Variants in GATA5 observed in about 807,000 individuals in gnomAD.
GATA5 encodes the protein GATA binding protein 5.
Under a neutral mutation model 35.0 loss-of-function variants are expected in GATA5, and 27 were observed. That is an observed-to-expected ratio of 0.77 (90% CI 0.57 to 1.06). The LOEUF (loss-of-function observed/expected upper bound fraction) is 1.06. GATA5 is among the 50% of genes least tolerant of loss of function. GATA5 has a pLI of 0.00. For synonymous variants in GATA5, 306 were observed against 267.8 expected, an observed-to-expected ratio of 1.14 and a Z score of -1.39; for missense variants, 612 against 580.0, an observed-to-expected ratio of 1.06 and a Z score of -0.57.
intron 2 of GATA5, among the ~76,000 whole-genome samples, chr20:62,474,012 G>T (rs1447565368): frequency 1.3e-5 from 2 of 149,788 alleles, no homozygotes; most frequent in African/African-American, 5.0e-5. Context: ...ACTCTTGGGC[G>T]CCCCTGGGCT....
chr20:62,469,437 G>A (rs1047715193), intron 3 of GATA5, among the ~76,000 whole-genome samples: 27 of 152,316 alleles, frequency 1.8e-4, no homozygotes, highest in Middle Eastern at 6.8e-3. Context: ...CTCGGGTCTG[G>A]GACCGGCCAT....
intron 2 of GATA5, 122 bp downstream of exon 2, chr20:62,474,877 G>A: frequency 2.4e-6 from 2 of 834,410 alleles, no homozygotes; most frequent in Non-Finnish European, 3.2e-6. Flanking sequence ...GGCTGCTGGT[G>A]TCGCTCCTGG....
intron 3 of GATA5, among the ~76,000 whole-genome samples, chr20:62,472,653 T>G (rs1280514569): frequency 3.3e-5 from 5 of 152,200 alleles, no homozygotes; most frequent in African/African-American, 1.2e-4. Flanking sequence ...ATTTGTACAA[T>G]TACTCGAAAG....
Position 62,470,497 on chromosome 20 carries a change from G to A in GATA5, c.699+2906C>T, listed in dbSNP as rs939771146. Reference sequence around the variant, plus strand: ...ACAGTGCCCATGCCCCTTGCTGGCCGAGGACAAACTGACTTGGGGACGTGG... The same window carrying A: ...ACAGTGCCCATGCCCCTTGCTGGCCAAGGACAAACTGACTTGGGGACGTGG... On this transcript the variant is annotated intron_variant, in intron 3 of 6. Coordinates refer to ENST00000252997, the MANE Select transcript of GATA5 (RefSeq NM_080473.5). The surrounding 1 kb of genome is among the most constrained non-coding windows in gnomAD (Gnocchi z 4.6). Among the ~76,000 whole-genome samples, 3 of 152,178 alleles carry A rather than the reference G, an allele frequency of 2.0e-5. No homozygotes were observed. Among genetic ancestry groups the A allele is most frequent in the Admixed American group, 6.5e-5 (1 of 15,284 alleles).
chr20:62,465,227 G>A (rs1418601239), intron 6 of GATA5, 113 bp downstream of exon 6: 1 of 1,186,990 alleles, frequency 8.4e-7, no homozygotes, highest in African/African-American at 1.5e-5. Flanking sequence ...GGCAGCCGGT[G>A]TGTCCAGCCC....
Position 62,475,222 on chromosome 20 carries a change from C to T in GATA5, c.300G>A (p.Ser100=). ...CCGCGCTGCCGCCGCTGCCGGGCCC[C>T]GAGGGGCTGTGCGCGAAAGGGAAGG... The part of the protein sequence containing the change: ...ATAFPFAHSP[S]GPGSGGSAGG... The change falls in exon 2 of 7, where the codon TCG becomes TCA. Residue 100 remains serine, a synonymous_variant. Transcript: ENST00000252997. 2.9e-5 allele frequency: 36 copies of T among 1,250,128 alleles called. No individual in the cohort carries two copies. The highest frequency in any genetic ancestry group is 3.6e-5 in the Non-Finnish European group (36 of 996,336). 77.4% of individuals were successfully genotyped at this position (1,250,128 alleles called of 1,614,324 possible). A position where few individuals can be genotyped will look rare whatever the true frequency, so the allele number is the denominator to read the frequency against.
chr20:62,472,208 G>A (rs1336308554), intron 3 of GATA5, among the ~76,000 whole-genome samples: 1 of 152,038 alleles, frequency 6.6e-6, no homozygotes, highest in African/African-American at 2.4e-5. Flanking sequence ...GGCATGGGAG[G>A]AGGCTGGGCC....
At chr20:62,467,399 G>T (rs148579532) in intron 3 of GATA5, among the ~76,000 whole-genome samples, 1 of 152,308 alleles carries the variant, frequency 6.6e-6, no homozygotes, top group Admixed American at 6.5e-5. Context: ...TTGGGAGCTC[G>T]GGAGCTCCAG....
At position 62,475,995 on chromosome 20, in the gene GATA5, T is replaced by C. The variant is rs1396204665; in HGVS notation, c.-87A>G. The C allele has an allele frequency of 6.6e-6, 1 of 151,246 alleles. No homozygotes were observed. The highest frequency in any genetic ancestry group is 1.5e-5 in the Non-Finnish European group (1 of 67,622). 9.4% of individuals were successfully genotyped at this position (151,246 alleles called of 1,614,324 possible). ...GGTCGGCGACCGGCGGGCCGAAGAC[T>C]GGAAGCCCGGGCCGCTGAGGCTCCG... On this transcript the variant is annotated 5_prime_UTR_variant, in exon 1 of 7. Transcript: ENST00000252997.
Position 62,465,811 on chromosome 20 carries a change from G to A in GATA5, c.913+23C>T, listed in dbSNP as rs75188102. On this transcript the variant is annotated intron_variant, in intron 5 of 6. Coordinates refer to ENST00000252997, the MANE Select transcript of GATA5 (RefSeq NM_080473.5). ...AAGGCCACTCCGCAGGAGCGGGGCT[G>A]ACTGCAGGGCCTGGCCACGCACCTG... The A allele has an allele frequency of 2.3e-3, 3,516 of 1,545,292 alleles. 72 individuals are homozygous for A. The African/African-American group carries it at 0.042, about 19-fold the overall frequency.
intron 3 of GATA5, 54 bp downstream of exon 3, chr20:62,473,349 G>A: frequency 6.5e-7 from 1 of 1,547,104 alleles, no homozygotes; most frequent in South Asian, 1.2e-5. Context: ...ATTGCAAGAG[G>A]TCCCCTCGGG....
At position 62,465,222 on chromosome 20, in the gene GATA5, C is replaced by T. The variant is rs1322470664; in HGVS notation, c.1038+118G>A. 5.2e-6 allele frequency: 6 copies of T among 1,162,438 alleles called. No individual in the cohort carries two copies. In the African/African-American group the frequency reaches 6.2e-5, roughly 12 times the overall value. The allele number at this position is 1,162,438 out of a possible 1,614,324, so 72.0% of individuals were successfully genotyped here. A position where few individuals can be genotyped will look rare whatever the true frequency, so the allele number is the denominator to read the frequency against. Reference sequence around the variant, plus strand: ...CCACCATACTGATGGCCGAAGGCAGCCGGTGTGTCCAGCCCACCTGCTGGA... The same window carrying T: ...CCACCATACTGATGGCCGAAGGCAGTCGGTGTGTCCAGCCCACCTGCTGGA... On this transcript the variant is annotated intron_variant, in intron 6 of 6. Coordinates refer to ENST00000252997, the MANE Select transcript of GATA5 (RefSeq NM_080473.5).
intron 3 of GATA5, among the ~76,000 whole-genome samples, chr20:62,469,992 G>A (rs1420096481): frequency 6.6e-6 from 1 of 152,216 alleles, no homozygotes; most frequent in Non-Finnish European, 1.5e-5. Context: ...TGCCCAACAA[G>A]CAGCCCAGCC....
At position 62,465,320 on chromosome 20, in the gene GATA5, A is replaced by G; in HGVS notation, c.1038+20T>C. 1 of 1,384,050 alleles carries G rather than the reference A, an allele frequency of 7.2e-7. No homozygotes were observed. The highest frequency in any genetic ancestry group is 9.9e-7 in the Non-Finnish European group (1 of 1,011,758). The allele number at this position is 1,384,050 out of a possible 1,614,324, so 85.7% of individuals were successfully genotyped here. A position where few individuals can be genotyped will look rare whatever the true frequency, so the allele number is the denominator to read the frequency against. On this transcript the variant is annotated intron_variant, in intron 6 of 6. Coordinates refer to ENST00000252997, the MANE Select transcript of GATA5 (RefSeq NM_080473.5). ...CAGGGGCCCCAGCTCTGGGCACCCC[A>G]CCCCAGCCCACCCCCTTACCTGGGG...
In GATA5 at chr20:62,465,224, G is replaced by A. The variant is rs910886115; in HGVS notation, c.1038+116C>T. On this transcript the variant is annotated intron_variant, in intron 6 of 6. Coordinates refer to ENST00000252997, the MANE Select transcript of GATA5 (RefSeq NM_080473.5). ...ACCATACTGATGGCCGAAGGCAGCCGGTGTGTCCAGCCCACCTGCTGGAAG... is the reference window on the plus strand; with the variant it reads ...ACCATACTGATGGCCGAAGGCAGCCAGTGTGTCCAGCCCACCTGCTGGAAG... The A allele has an allele frequency of 1.0e-4, 118 of 1,170,772 alleles. 2 individuals carry two copies. In the African/African-American group the frequency reaches 1.5e-3, roughly 15 times the overall value. The allele number at this position is 1,170,772 out of a possible 1,614,324, so 72.5% of individuals were successfully genotyped here. A position where few individuals can be genotyped will look rare whatever the true frequency, so the allele number is the denominator to read the frequency against.
chr20:62,474,508 G>C (rs1989804306), intron 2 of GATA5, among the ~76,000 whole-genome samples: 1 of 152,200 alleles, frequency 6.6e-6, no homozygotes, highest in African/African-American at 2.4e-5. Flanking sequence ...GCCTTCGCCA[G>C]AAAGTGACTA....
chr20:62,465,233 A>G (rs1174247461), intron 6 of GATA5, 107 bp downstream of exon 6: 3 of 1,248,484 alleles, frequency 2.4e-6, no homozygotes, highest in African/African-American at 3.0e-5. Flanking sequence ...CGGTGTGTCC[A>G]GCCCACCTGC....
At chr20:62,468,280 AGCCTCGGTTTCCCCATCTGTTATAGCCT>A (rs1180696449) in intron 3 of GATA5, among the ~76,000 whole-genome samples, 8 of 152,058 alleles carry the variant, frequency 5.3e-5, no homozygotes, top group African/African-American at 9.7e-5. Flanking sequence ...AGAAACAGCC[AGCCTCGGTTTCCCCATCTGTTATAGCCT>A]GCCTCGGTTT....
intron 3 of GATA5, among the ~76,000 whole-genome samples, chr20:62,467,836 C>T (rs1052906771): frequency 3.3e-5 from 5 of 152,246 alleles, no homozygotes; most frequent in Admixed American, 6.5e-5. Flanking sequence ...CCATCCTGGA[C>T]GAGGGCTGAG....
Sources: allele counts gnomAD v4.1 joint callset (sites outside exome capture counted in the v4.1 genomes callset), GRCh38; gene constraint gnomAD v4.1.1; non-coding constraint Gnocchi (gnomAD v3.1); transcripts MANE v1.5; gene names NCBI Gene and HGNC (gene_info 2026-07-23, HGNC 2026-07-21).